Variants in SLC5A4 observed in about 807,000 individuals in gnomAD.
The protein encoded by SLC5A4 is solute carrier family 5 member 4.
SLC5A4 carries 55 observed loss-of-function variants against 70.3 expected under a neutral mutation model. The ratio of observed to expected loss-of-function variants is 0.78; its 90% CI spans 0.63 to 0.98. The LOEUF is 0.98. Among genes scored for constraint, SLC5A4 ranks in the 50% least tolerant of loss-of-function variants. The pLI, the probability that SLC5A4 is intolerant of heterozygous loss-of-function variation, is 0.00. For missense variants in SLC5A4, 735 were observed against 839.2 expected (o/e 0.88, Z 1.53); for synonymous variants, 268 against 305.7 (o/e 0.88, Z 1.29).
At chr22:32,249,231 TTTTACAGAGAGTCTTCACATAGATCAC>T (rs1310069060) in intron 3 of SLC5A4, among the ~76,000 whole-genome samples, 1 of 152,144 alleles carries the variant, frequency 6.6e-6, no homozygotes, top group Non-Finnish European at 1.5e-5. Context: ...AATGTGCAAT[TTTTACAGAGAGTCTTCACATAGATCAC>T]TTACGCTGCT....
At chr22:32,317,569 T>G in the SLC5A4 span, among the ~76,000 whole-genome samples, 1 of 152,134 alleles carries the variant, frequency 6.6e-6, no homozygotes, top group African/African-American at 2.4e-5. Flanking sequence ...CTCAAGTGAT[T>G]CCCCTGCCCC....
At chr22:32,303,633 A>T in the SLC5A4 span, among the ~76,000 whole-genome samples, 3 of 152,080 alleles carry the variant, frequency 2.0e-5, no homozygotes, top group Non-Finnish European at 4.4e-5. Flanking sequence ...TAATGGCTTG[A>T]TACCTCATTT....
chr22:32,228,265 C>T lies in SLC5A4; in HGVS notation c.1280+929G>A, dbSNP rs552992940. 1.3e-4 allele frequency among the ~76,000 whole-genome samples: 20 copies of T among 151,946 alleles called. No individual in the cohort carries two copies. In the East Asian group the frequency reaches 3.3e-3, roughly 25 times the overall value. On this transcript the variant is annotated intron_variant, in intron 11 of 14. Transcript: ENST00000266086. ...TACAAAATGCTATGACAGGCCAGGC[C>T]GGCGGTGGCTCACACCTGTAGTCCC...
the SLC5A4 span, chr22:32,270,301 G>C: frequency 2.4e-6 from 2 of 846,558 alleles, no homozygotes; most frequent in Non-Finnish European, 2.1e-6. Context: ...GCCGGACCTG[G>C]AGATTGTGGT....
chr22:32,329,816 GGT>G, the SLC5A4 span, among the ~76,000 whole-genome samples: 1 of 55,612 alleles, frequency 1.8e-5, no homozygotes, highest in Non-Finnish European at 3.1e-5. Flanking sequence ...TGGAGGCTCT[GGT>G]GTGTGTGTTG....
chr22:32,238,256 T>C (rs1926180079), intron 6 of SLC5A4, among the ~76,000 whole-genome samples: 1 of 152,174 alleles, frequency 6.6e-6, no homozygotes, highest in Non-Finnish European at 1.5e-5. Context: ...TTGGAAGTCC[T>C]GTGGTCTGCC....
At chr22:32,345,680 A>G in the SLC5A4 span, among the ~76,000 whole-genome samples, 1 of 152,194 alleles carries the variant, frequency 6.6e-6, no homozygotes, top group Non-Finnish European at 1.5e-5. Flanking sequence ...TCTCTATTGC[A>G]TAATGAGAGT....
chr22:32,334,873 C>G, the SLC5A4 span, among the ~76,000 whole-genome samples: 1 of 152,202 alleles, frequency 6.6e-6, no homozygotes, highest in African/African-American at 2.4e-5. Context: ...GGCAGGGACA[C>G]AGCAGCCATG....
chr22:32,305,940 G>A, the SLC5A4 span, among the ~76,000 whole-genome samples: 328 of 151,670 alleles, frequency 2.2e-3, 4 homozygotes, highest in African/African-American at 7.3e-3. Flanking sequence ...TAGAGGTGGC[G>A]TCCACCTGCC....
chr22:32,334,890 T>A, the SLC5A4 span, among the ~76,000 whole-genome samples: 1 of 152,196 alleles, frequency 6.6e-6, no homozygotes. Flanking sequence ...CATGGCTTCA[T>A]GGAATAGGGC....
intron 9 of SLC5A4, among the ~76,000 whole-genome samples, chr22:32,231,660 A>G (rs1352655053): frequency 1.3e-5 from 2 of 152,232 alleles, no homozygotes; most frequent in Non-Finnish European, 2.9e-5. Context: ...ACTTCAGCAC[A>G]TTAGCTTCTT....
the SLC5A4 span, among the ~76,000 whole-genome samples, chr22:32,326,025 G>A: frequency 6.6e-6 from 1 of 152,222 alleles, no homozygotes; most frequent in Non-Finnish European, 1.5e-5. Flanking sequence ...CTGGTGGGCT[G>A]GTACCTGCAA....
chr22:32,256,632 A>T (rs1927503470), upstream of SLC5A4, among the ~76,000 whole-genome samples: 1 of 152,034 alleles, frequency 6.6e-6, no homozygotes, highest in Non-Finnish European at 1.5e-5. Context: ...TACTATATAA[A>T]TTTGCCTATT....
At chr22:32,270,027 T>C in the SLC5A4 span, 1 of 489,542 alleles carries the variant, frequency 2.0e-6, no homozygotes, top group Non-Finnish European at 4.0e-6. Context: ...CCCCGGCCAG[T>C]GCTATCTGTG....
chr22:32,259,854 C>G (rs1427693293), upstream of SLC5A4, among the ~76,000 whole-genome samples: 8 of 152,028 alleles, frequency 5.3e-5, no homozygotes, highest in Non-Finnish European at 8.8e-5. Context: ...GAATACACAC[C>G]AAGTTTTATT....
the SLC5A4 span, among the ~76,000 whole-genome samples, chr22:32,299,610 A>G: frequency 1.7e-4 from 17 of 100,196 alleles, no homozygotes; most frequent in South Asian, 3.6e-4. Context: ...ATGTCCTCCC[A>G]TAGCTCAGAG....
chr22:32,321,948 C>T, the SLC5A4 span, among the ~76,000 whole-genome samples: 1 of 152,210 alleles, frequency 6.6e-6, no homozygotes, highest in Non-Finnish European at 1.5e-5. Context: ...CTATACATGA[C>T]AAGTGAAAAC....
the SLC5A4 span, among the ~76,000 whole-genome samples, chr22:32,306,421 G>A: frequency 6.7e-6 from 1 of 149,582 alleles, no homozygotes; most frequent in African/African-American, 2.5e-5. Flanking sequence ...ACCCGAGATT[G>A]CACCACTGCA....
chr22:32,260,709 C>T, the SLC5A4 span, among the ~76,000 whole-genome samples: 695 of 152,022 alleles, frequency 4.6e-3, 6 homozygotes, highest in African/African-American at 0.016. Context: ...GATGAAAAAC[C>T]CAAAAGATAA....
Sources: allele counts gnomAD v4.1 joint callset (sites outside exome capture counted in the v4.1 genomes callset), GRCh38; gene constraint gnomAD v4.1.1; transcripts MANE v1.5; gene names NCBI Gene and HGNC (gene_info 2026-07-23, HGNC 2026-07-21).